RMND1: variants seen among roughly 807,000 people sequenced by gnomAD.
The protein encoded by RMND1 is required for meiotic nuclear division 1 homolog.
A neutral mutation model predicts 54.0 loss-of-function variants in RMND1; 41 were observed. The observed-to-expected ratio is 0.76, with a 90% CI of 0.59 to 0.98. RMND1 has a LOEUF of 0.98. RMND1 is among the 50% of genes least tolerant of loss of function. The probability of loss-of-function intolerance (pLI) is 0.00; values close to 1 mark genes in which losing one functional copy is unlikely to be tolerated. For missense variants in RMND1, 457 were observed against 532.0 expected (o/e 0.86, Z 1.39); for synonymous variants, 183 against 181.7 (o/e 1.01, Z -0.06).
chr6:151,434,135 G>A (rs138044125), intron 3 of RMND1, among the ~76,000 whole-genome samples: 116 of 152,196 alleles, frequency 7.6e-4, no homozygotes, highest in African/African-American at 2.7e-3. Context: ...ATGAGCCACG[G>A]GGCCTGGCCT....
chr6:151,442,712 CCA>C (rs1780819348), intron 2 of RMND1, among the ~76,000 whole-genome samples: 1 of 72,018 alleles, frequency 1.4e-5, no homozygotes, highest in African/African-American at 5.9e-5. Context: ...TTTTTTTTTT[CCA>C]AGTCTTTTAG....
Position 151,430,135 on chromosome 6 carries a change from TAC to T in RMND1, c.729+1_729+2del, listed in dbSNP as rs1382069196. 5 of 1,590,828 alleles carry T rather than the reference TAC, an allele frequency of 3.1e-6. No homozygotes were observed. The highest frequency in any genetic ancestry group is 4.3e-6 in the Non-Finnish European group (5 of 1,161,986). On this transcript the variant is annotated splice_donor_variant, in intron 5 of 11. Transcript: ENST00000444024. LOFTEE classifies it high-confidence loss of function. ...ATATTTTCACATTTTTATTTACACT[TAC>T]AGTTTTGTCTTTCACATTCCAAAAC...
chr6:151,405,681 G>T, intron 11 of RMND1, 39 bp downstream of exon 11: 1 of 993,752 alleles, frequency 1.0e-6, no homozygotes, highest in Non-Finnish European at 1.6e-6. Context: ...TTTGTGAAAA[G>T]ATGGTAACTG....
intron 1 of RMND1, among the ~76,000 whole-genome samples, chr6:151,447,224 A>G (rs1238299961): frequency 2.6e-5 from 4 of 152,246 alleles, no homozygotes; most frequent in Non-Finnish European, 5.9e-5. Flanking sequence ...GCCGATGGCC[A>G]GATCACCAAA....
chr6:151,410,750 C>T (rs1779804941), intron 10 of RMND1, among the ~76,000 whole-genome samples: 1 of 152,154 alleles, frequency 6.6e-6, no homozygotes, highest in African/African-American at 2.4e-5. Context: ...TTGGGTGCTA[C>T]TATAAACAGA....
At chr6:151,428,416 A>AT (rs974310736) in intron 5 of RMND1, among the ~76,000 whole-genome samples, 30 of 152,274 alleles carry the variant, frequency 2.0e-4, no homozygotes, top group African/African-American at 6.5e-4. Context: ...TCCATGGGGA[A>AT]TTTTTTCTAC....
At chr6:151,436,847 GA>G (rs1286403627) in intron 2 of RMND1, 1 of 237,122 alleles carries the variant, frequency 4.2e-6, no homozygotes, top group East Asian at 8.3e-5. Context: ...AGCACAGATT[GA>G]ATGCAAAATA....
intron 10 of RMND1, among the ~76,000 whole-genome samples, chr6:151,412,245 A>C (rs1582942921): frequency 6.6e-6 from 1 of 150,722 alleles, no homozygotes; most frequent in African/African-American, 2.4e-5. Flanking sequence ...CAGGTGATCC[A>C]CTCACCTCGG....
In RMND1 at chr6:151,430,159, A is replaced by T. The variant is rs1028454817; in HGVS notation, c.708T>A (p.Phe236Leu). ...TTACAGTTTTGTCTTTCACATTCCA[A>T]AACACAGCAGCTCCTTCCCTGATTT... ...IFFFREGAAV[F>L]WNVKDKTMKH... Residue 236 changes from phenylalanine to leucine, a missense_variant, in exon 5 of 12, where the codon TTT becomes TTA. Transcript: ENST00000444024. 6.2e-7 allele frequency: 1 copy of T among 1,602,360 alleles called. No individual in the cohort carries two copies. The highest frequency in any genetic ancestry group is 8.5e-7 in the Non-Finnish European group (1 of 1,171,034).
At chr6:151,434,718 T>C (rs1170303296) in intron 3 of RMND1, among the ~76,000 whole-genome samples, 6 of 152,224 alleles carry the variant, frequency 3.9e-5, no homozygotes, top group African/African-American at 9.7e-5. Flanking sequence ...TTCTATGGGA[T>C]TGAGTCTTAA....
rs377016879 is a variant in RMND1 at position 151,433,249 on chromosome 6, G to A, written c.614-19C>T. ...GCTGCATCTGTGATTTAAAATAAAC[G>A]AACAAAAAAGCTATGTCAAGGTAAC... On this transcript the variant is annotated intron_variant, in intron 3 of 11. Coordinates refer to ENST00000444024, the MANE Select transcript of RMND1 (RefSeq NM_017909.4). 4.8e-5 allele frequency: 75 copies of A among 1,564,000 alleles called. 2 individuals are homozygous for A. Among genetic ancestry groups the A allele is most frequent in the Middle Eastern group, 3.4e-4 (2 of 5,960 alleles).
At chr6:151,451,218 A>AC (rs1491063350) in intron 1 of RMND1, among the ~76,000 whole-genome samples, 21 of 150,054 alleles carry the variant, frequency 1.4e-4, no homozygotes, top group African/African-American at 4.9e-4. Context: ...AAAAAAAAAA[A>AC]ACACAACCAG....
At chr6:151,442,751 G>A (rs1423075792) in intron 2 of RMND1, among the ~76,000 whole-genome samples, 1 of 150,650 alleles carries the variant, frequency 6.6e-6, no homozygotes, top group East Asian at 2.0e-4. Flanking sequence ...ATGTTGCCAG[G>A]CTGGTCTTCA....
chr6:151,423,259 G>C (rs966624219), intron 7 of RMND1, among the ~76,000 whole-genome samples: 2 of 151,866 alleles, frequency 1.3e-5, no homozygotes, highest in African/African-American at 4.8e-5. Context: ...AGAGAGAAGA[G>C]AAAAAAACAA....
rs138474980 is a variant in RMND1, at chr6:151,405,633, T to A, written c.1317+87A>T. On this transcript the variant is annotated intron_variant, in intron 11 of 11. Transcript: ENST00000444024. ...AGTCAGCCTCTTTTCTGCTAATAAT[T>A]TTCTATCTCAAACTATCTTATTAGC... 3,895 of 709,330 alleles carry A rather than the reference T, an allele frequency of 5.5e-3. 17 individuals carry two copies. Among genetic ancestry groups the A allele is most frequent in the Non-Finnish European group, 7.7e-3 (3,184 of 413,242 alleles). The allele number at this position is 709,330 out of a possible 1,614,324, so 43.9% of individuals were successfully genotyped here.
rs767672248 is a variant in RMND1 at position 151,405,193 on chromosome 6, A to G, written c.*42T>C. On this transcript the variant is annotated 3_prime_UTR_variant, in exon 12 of 12. Coordinates refer to ENST00000444024, the MANE Select transcript of RMND1 (RefSeq NM_017909.4). ...CCGAACATTTAATTTTTGATTGTAG[A>G]ACTTGAATATCTCTTGCAGTGACAC... is the stretch of plus-strand genomic sequence containing the variant. 1.3e-6 allele frequency: 2 copies of G among 1,582,154 alleles called. No individual in the cohort carries two copies. The highest frequency in any genetic ancestry group is 1.7e-5 in the Admixed American group (1 of 59,568).
chr6:151,406,670 T>C (rs1779633118), intron 10 of RMND1, among the ~76,000 whole-genome samples: 1 of 152,108 alleles, frequency 6.6e-6, no homozygotes, highest in Admixed American at 6.6e-5. Flanking sequence ...AACTGTTAAA[T>C]ACCTACCTAA....
intron 1 of RMND1, 100 bp from the exon 2 acceptor site, chr6:151,445,925 G>A: frequency 9.5e-7 from 1 of 1,054,682 alleles, no homozygotes; most frequent in Non-Finnish European, 1.3e-6. Context: ...AGAAAAATTT[G>A]TAAAACAGAT....
chr6:151,436,476 C>T lies in RMND1; in HGVS notation c.583G>A (p.Gly195Arg), dbSNP rs776083030. Residue 195 changes from glycine to arginine, a missense_variant, in exon 3 of 12, where the codon GGA (glycine) becomes AGA (arginine). Coordinates refer to ENST00000444024, the MANE Select transcript of RMND1 (RefSeq NM_017909.4). The stretch of plus-strand genomic sequence containing the variant: ...GGCAAGCTTGTTACTTCAACATATC[C>T]GTGGGAGGCCAGATCTTGAGACAGA... ...GNLSQDLASH[G>R]YVEVTSLPRD... is the part of the protein sequence containing the mutation. The T allele has an allele frequency of 1.1e-5, 18 of 1,613,966 alleles. No individual in the cohort carries two copies. Among genetic ancestry groups the T allele is most frequent in the Middle Eastern group, 1.7e-4 (1 of 6,058 alleles).
Sources: gnomAD v4.1 joint callset for allele counts (sites outside exome capture counted in the v4.1 genomes callset) on GRCh38, gnomAD v4.1.1 for gene constraint, MANE v1.5 for transcripts, NCBI Gene and HGNC (gene_info 2026-07-23, HGNC 2026-07-21) for gene names.